The following GAREM1 variants were observed in gnomAD, a reference collection of about 807,000 sequenced individuals.
The protein encoded by GAREM1 is GRB2 associated regulator of MAPK1 subtype 1.
In GAREM1, 26 loss-of-function variants were observed where a neutral mutation model predicts 71.3. The observed-to-expected ratio is 0.36, with a 90% CI of 0.27 to 0.51. The LOEUF is 0.51. GAREM1 is among the 20% of genes least tolerant of loss of function. The pLI, the probability that GAREM1 is intolerant of heterozygous loss-of-function variation, is 0.95. For synonymous variants in GAREM1, 440 were observed against 433.2 expected (o/e 1.02, Z -0.20); for missense variants, 1,026 against 1,103.1 (o/e 0.93, Z 0.99).
intron 1 of GAREM1, among the ~76,000 whole-genome samples, chr18:32,409,994 C>A (rs1490456023): frequency 6.6e-6 from 1 of 152,132 alleles, no homozygotes; most frequent in Non-Finnish European, 1.5e-5. Flanking sequence ...CTGATACATC[C>A]AGTTTATCCT....
chr18:32,329,308 T>G (rs888849377), intron 2 of GAREM1, among the ~76,000 whole-genome samples: 2 of 151,960 alleles, frequency 1.3e-5, no homozygotes, highest in Non-Finnish European at 2.9e-5. Flanking sequence ...CCCAGGAGTT[T>G]GAGGCTGCAG....
chr18:32,314,163 T>C (rs2144525247), intron 2 of GAREM1, among the ~76,000 whole-genome samples: 1 of 152,260 alleles, frequency 6.6e-6, no homozygotes, highest in Admixed American at 6.5e-5. Context: ...AGTTAAACTT[T>C]TCATTTGTCT....
intron 2 of GAREM1, among the ~76,000 whole-genome samples, chr18:32,370,671 T>A (rs2047969453): frequency 6.6e-6 from 1 of 152,208 alleles, no homozygotes; most frequent in Admixed American, 6.5e-5. Flanking sequence ...CACAATTCTC[T>A]TCATCTTCAC....
At chr18:32,329,965 C>A (rs2047515696) in intron 2 of GAREM1, among the ~76,000 whole-genome samples, 1 of 152,002 alleles carries the variant, frequency 6.6e-6, no homozygotes, top group Non-Finnish European at 1.5e-5. Context: ...TTTTGCTGCT[C>A]ACCCTTTGGA....
intron 1 of GAREM1, among the ~76,000 whole-genome samples, chr18:32,455,391 T>C (rs1165131529): frequency 6.6e-6 from 1 of 152,286 alleles, no homozygotes; most frequent in East Asian, 1.9e-4. Flanking sequence ...ACATTGAGAA[T>C]AGCATGTGAA....
chr18:32,450,419 CT>C (rs1336642489), intron 1 of GAREM1, among the ~76,000 whole-genome samples: 3 of 152,052 alleles, frequency 2.0e-5, no homozygotes, highest in African/African-American at 7.2e-5. Context: ...TTCTAATAAG[CT>C]GCTAAAAAAA....
chr18:32,457,224 AGAGTGTGTGTGTGTGTGTGTGTGTGT>A (rs1354063803), intron 1 of GAREM1, among the ~76,000 whole-genome samples: 1 of 107,362 alleles, frequency 9.3e-6, no homozygotes, highest in Admixed American at 1.0e-4. Flanking sequence ...AGAGAGAGAG[AGAGTGTGTGTGTGTGTGTGTGTGTGT>A]GTGTGTGTGT....
intron 1 of GAREM1, among the ~76,000 whole-genome samples, chr18:32,446,341 C>T (rs1234239257): frequency 6.6e-6 from 1 of 152,066 alleles, no homozygotes; most frequent in Non-Finnish European, 1.5e-5. Flanking sequence ...TCACAGTGTT[C>T]ACTTTGTATT....
intron 1 of GAREM1, among the ~76,000 whole-genome samples, chr18:32,433,707 C>T (rs569175079): frequency 5.3e-5 from 8 of 151,856 alleles, no homozygotes; most frequent in African/African-American, 1.2e-4. Flanking sequence ...ATACCATTTA[C>T]GATAGTTCAA....
Position 32,310,229 on chromosome 18 carries a change from G to C in GAREM1, c.357C>G (p.Arg119=), listed in dbSNP as rs775839313. ...VEEVAKAFPE[R]VYVMEDITFN... ...ATGTGATATCCTCCATGACGTACAC[G>C]CGTTCAGGAAATGCCTTAGCCACCT... Residue 119 remains arginine (R), a synonymous_variant, in exon 3 of 6, where the codon CGC becomes CGG. Transcript: ENST00000269209. The C allele has an allele frequency of 8.7e-5, 140 of 1,613,822 alleles. No homozygotes were observed. The highest frequency in any genetic ancestry group is 4.6e-5 in the Non-Finnish European group (54 of 1,179,954).
At chr18:32,463,614 G>A (rs1321173236) in intron 1 of GAREM1, among the ~76,000 whole-genome samples, 1 of 145,346 alleles carries the variant, frequency 6.9e-6, no homozygotes, top group Non-Finnish European at 1.5e-5. Flanking sequence ...CTGTCGCCCA[G>A]GCCGGGGTGC....
intron 2 of GAREM1, among the ~76,000 whole-genome samples, chr18:32,314,558 A>T (rs1004926343): frequency 6.6e-6 from 1 of 151,720 alleles, no homozygotes; most frequent in African/African-American, 2.4e-5. Flanking sequence ...CAAGATGCAT[A>T]CAGATTGTCA....
At chr18:32,312,863 A>G (rs1340453660) in intron 2 of GAREM1, among the ~76,000 whole-genome samples, 1 of 152,168 alleles carries the variant, frequency 6.6e-6, no homozygotes, top group African/African-American at 2.4e-5. Flanking sequence ...TCCAGCCCCA[A>G]GAGATGCAGC....
At chr18:32,362,494 T>C (rs979805816) in intron 2 of GAREM1, among the ~76,000 whole-genome samples, 1 of 152,222 alleles carries the variant, frequency 6.6e-6, no homozygotes, top group Non-Finnish European at 1.5e-5. Flanking sequence ...ATGTGTGATT[T>C]TGTTTTCTAT....
intron 1 of GAREM1, among the ~76,000 whole-genome samples, chr18:32,454,783 T>G (rs1465480173): frequency 6.6e-6 from 1 of 152,188 alleles, no homozygotes; most frequent in Non-Finnish European, 1.5e-5. Flanking sequence ...GAACAGAGTG[T>G]GTGCACCTGT....
At position 32,427,651 on chromosome 18, in the gene GAREM1, A is replaced by T. The variant is rs1467676327; in HGVS notation, c.122-34616T>A. ...TATCATTATATTCTGTCACATCATA[A>T]AAATCAAAATCAGACACGTGAAGAT... On this transcript the variant is annotated intron_variant, in intron 1 of 5. Transcript: ENST00000269209. Among the ~76,000 whole-genome samples the T allele has an allele frequency of 2.0e-5, 3 of 152,220 alleles. No homozygotes were observed. The South Asian group carries it at 6.2e-4, about 31-fold the overall frequency.
chr18:32,389,984 A>C (rs545393665), intron 2 of GAREM1, among the ~76,000 whole-genome samples: 14 of 152,170 alleles, frequency 9.2e-5, no homozygotes, highest in Non-Finnish European at 1.9e-4. Context: ...ACCAGCAACA[A>C]AGCGAGAACT....
chr18:32,295,249 C>T (rs2047129184), intron 3 of GAREM1, among the ~76,000 whole-genome samples: 1 of 151,876 alleles, frequency 6.6e-6, no homozygotes, highest in Non-Finnish European at 1.5e-5. Context: ...TTTTTCACTT[C>T]TCTAATACAC....
chr18:32,286,669 C>T (rs925701680), intron 4 of GAREM1, among the ~76,000 whole-genome samples: 1 of 152,166 alleles, frequency 6.6e-6, no homozygotes, highest in Admixed American at 6.5e-5. Context: ...CTCTGCCAGC[C>T]ACTACCAGCT....
Sources: gnomAD v4.1 joint callset for allele counts (sites outside exome capture counted in the v4.1 genomes callset) on GRCh38, gnomAD v4.1.1 for gene constraint, MANE v1.5 for transcripts, NCBI Gene and HGNC (gene_info 2026-07-23, HGNC 2026-07-21) for gene names.